IL31RA: variants seen among roughly 807,000 people sequenced by gnomAD.
The protein encoded by IL31RA is interleukin-31 receptor subunit alpha.
Under a neutral mutation model 83.7 loss-of-function variants are expected in IL31RA, and 66 were observed. The ratio of observed to expected loss-of-function variants is 0.79; its 90% CI spans 0.65 to 0.97. IL31RA has a LOEUF of 0.97. Ranked by LOEUF, IL31RA falls within the 50% of genes least tolerant of loss-of-function variation. The probability of loss-of-function intolerance (pLI) is 0.00; values close to 1 mark genes in which losing one functional copy is unlikely to be tolerated. For synonymous variants in IL31RA, 325 were observed against 329.0 expected (o/e 0.99, Z 0.13); for missense variants, 798 against 919.4 (o/e 0.87, Z 1.71).
In IL31RA at chr5:55,919,179, G is replaced by A. The variant is rs1207539363; in HGVS notation, c.*2059G>A. 2.6e-5 allele frequency among the ~76,000 whole-genome samples: 4 copies of A among 152,100 alleles called. No homozygotes were observed. The highest frequency in any genetic ancestry group is 5.9e-5 in the Non-Finnish European group (4 of 68,030). ...TTGGCCCGAGGATGGGGGAGGGCAC[G>A]GGTACCCCCACAGCTGTTCTTTCAA... On this transcript the variant is annotated 3_prime_UTR_variant, in exon 15 of 15. Coordinates refer to ENST00000652347, the MANE Select transcript of IL31RA (RefSeq NM_139017.7).
At chr5:55,867,333 G>GTGTA (rs1554085344) in intron 2 of IL31RA, among the ~76,000 whole-genome samples, 75 of 151,746 alleles carry the variant, frequency 4.9e-4, no homozygotes, top group African/African-American at 1.7e-3. Context: ...GTGTGTGTGT[G>GTGTA]TGTATGTTTA....
intron 6 of IL31RA, among the ~76,000 whole-genome samples, chr5:55,893,526 A>AT (rs1251541810): frequency 2.0e-5 from 3 of 151,594 alleles, no homozygotes; most frequent in African/African-American, 4.9e-5. Context: ...GAAAATTTTA[A>AT]TTTTTTTTTC....
chr5:55,847,775 G>A (rs954926478), upstream of IL31RA, among the ~76,000 whole-genome samples: 2 of 152,026 alleles, frequency 1.3e-5, no homozygotes, highest in Admixed American at 1.3e-4. Flanking sequence ...TCCTTTTTCT[G>A]TTCCAGGATC....
chr5:55,907,222 C>T (rs1326395171), intron 9 of IL31RA, 137 bp from the exon 10 acceptor site: 1 of 663,604 alleles, frequency 1.5e-6, no homozygotes, highest in African/African-American at 1.8e-5. Context: ...TTCAACCTAA[C>T]CTGTTTATTT....
rs1185949609 is a variant in IL31RA, at chr5:55,921,015, A to G, written c.*3895A>G. Among the ~76,000 whole-genome samples the G allele has an allele frequency of 6.6e-6, 1 of 152,190 alleles. No homozygotes were observed. Among genetic ancestry groups the G allele is most frequent in the East Asian group, 1.9e-4 (1 of 5,202 alleles). On this transcript the variant is annotated 3_prime_UTR_variant, in exon 15 of 15. Coordinates refer to ENST00000652347, the MANE Select transcript of IL31RA (RefSeq NM_139017.7). ...GAAATTATCTTATAATGCGCAGAAC[A>G]GCCCTCACAACAAAGAATTATCTGG...
At position 55,903,191 on chromosome 5, in the gene IL31RA, A is replaced by G. The variant is rs1748930500; in HGVS notation, c.1070-2915A>G. Reference sequence around the variant, plus strand: ...CGTGGTCCCAGGCAGGGCATCGGAAAGCCCGGCCACTGTGTCATAAGGCCA... The same window carrying G: ...CGTGGTCCCAGGCAGGGCATCGGAAGGCCCGGCCACTGTGTCATAAGGCCA... On this transcript the variant is annotated intron_variant, in intron 8 of 14. Coordinates refer to ENST00000652347, the MANE Select transcript of IL31RA (RefSeq NM_139017.7). This position sits in a 1 kb window ranked among gnomAD's most constrained non-coding sequence, Gnocchi z 4.7. Among the ~76,000 whole-genome samples, 1 of 152,200 alleles carries G rather than the reference A, an allele frequency of 6.6e-6. No individual in the cohort carries two copies. Among genetic ancestry groups the G allele is most frequent in the Non-Finnish European group, 1.5e-5 (1 of 68,034 alleles).
chr5:55,908,196 G>A (rs1244618617), intron 10 of IL31RA, 69 bp from the exon 11 acceptor site: 3 of 1,607,382 alleles, frequency 1.9e-6, no homozygotes, highest in African/African-American at 1.3e-5. Context: ...ACTGGCCAGG[G>A]CCTTTGTGGG....
chr5:55,895,658 C>T (rs779856675), intron 6 of IL31RA, among the ~76,000 whole-genome samples: 1 of 152,190 alleles, frequency 6.6e-6, no homozygotes, highest in African/African-American at 2.4e-5. Flanking sequence ...TTGGCTTTTA[C>T]GTTACTCTCT....
Position 55,916,723 on chromosome 5 carries a change from A to G in IL31RA, c.1898A>G (p.Asp633Gly), listed in dbSNP as rs755431278. Residue 633 changes from aspartate to glycine, a missense_variant, in exon 15 of 15, where the codon GAC becomes GGC. By Grantham distance (94) the Asp-to-Gly change is moderately conservative. Transcript: ENST00000652347. ...RILKPCSTPS[D>G]KLVIDKLVVN... The stretch of plus-strand genomic sequence containing the variant: ...TTAAAACCATGTTCCACCCCCAGTG[A>G]CAAGTTGGTGATTGACAAGTTGGTG... The G allele has an allele frequency of 6.2e-6, 10 of 1,614,094 alleles. No individual in the cohort carries two copies. The Admixed American group carries it at 1.7e-4, about 27-fold the overall frequency.
At chr5:55,864,172 C>T (rs1049493461) in intron 2 of IL31RA, among the ~76,000 whole-genome samples, 11 of 152,086 alleles carry the variant, frequency 7.2e-5, no homozygotes, top group Non-Finnish European at 1.5e-5. Context: ...CTTTGAAATC[C>T]TCCGGCGAGT....
chr5:55,854,747 G>GAA lies in IL31RA; in HGVS notation c.63+3124_63+3125dup, dbSNP rs11409015. Among the ~76,000 whole-genome samples the GAA allele has an allele frequency of 2.0e-3, 290 of 141,794 alleles. 3 individuals carry two copies. Among genetic ancestry groups the GAA allele is most frequent in the African/African-American group, 5.9e-3 (227 of 38,792 alleles). 93.0% of individuals were successfully genotyped at this position (141,794 alleles called of 152,430 possible). A position where few individuals can be genotyped will look rare whatever the true frequency, so the allele number is the denominator to read the frequency against. ...GTCACAGAGTGAGACCCCGTCTCCAGAAAAAAAAAAAGAAATAAAATATAA... is the reference window on the plus strand; with the variant it reads ...GTCACAGAGTGAGACCCCGTCTCCAGAAAAAAAAAAAAAGAAATAAAATATAA... On this transcript the variant is annotated intron_variant, in intron 1 of 14. Coordinates refer to ENST00000652347, the MANE Select transcript of IL31RA (RefSeq NM_139017.7).
At chr5:55,869,369 C>T (rs745570637) in intron 3 of IL31RA, among the ~76,000 whole-genome samples, 47 of 152,150 alleles carry the variant, frequency 3.1e-4, no homozygotes, top group Non-Finnish European at 5.1e-4. Context: ...TTTTTTACTA[C>T]CTCAAGCATC....
At chr5:55,880,893 G>A (rs955779317) in intron 4 of IL31RA, among the ~76,000 whole-genome samples, 12 of 152,200 alleles carry the variant, frequency 7.9e-5, no homozygotes, top group African/African-American at 2.7e-4. Flanking sequence ...CAGCAAATCC[G>A]TATGGGTCTG....
Position 55,905,722 on chromosome 5 carries a change from C to A in IL31RA, c.1070-384C>A, listed in dbSNP as rs78580856. Among the ~76,000 whole-genome samples, 533 of 152,336 alleles carry A rather than the reference C, an allele frequency of 3.5e-3. 1 individual carries two copies. The highest frequency in any genetic ancestry group is 6.1e-3 in the Non-Finnish European group (418 of 68,032). ...TGATTTTAAGGTCACCATCTCCCAG[C>A]TTCCCAGCCACACAATTCCCCAGAG... On this transcript the variant is annotated intron_variant, in intron 8 of 14. Coordinates refer to ENST00000652347, the MANE Select transcript of IL31RA (RefSeq NM_139017.7).
chr5:55,858,639 A>G (rs79942810), intron 1 of IL31RA, among the ~76,000 whole-genome samples: 8,154 of 151,162 alleles, frequency 0.054, 451 homozygotes, highest in African/African-American at 0.14. Flanking sequence ...TTTTTTTTCT[A>G]TAATGATCTG....
chr5:55,887,366 C>A (rs1747678483), intron 5 of IL31RA, among the ~76,000 whole-genome samples: 1 of 152,310 alleles, frequency 6.6e-6, no homozygotes, highest in African/African-American at 2.4e-5. Flanking sequence ...TCTTTTGTGG[C>A]CCTAGTCTAA....
At chr5:55,867,225 G>GTGTGTGCA (rs1746187617) in intron 2 of IL31RA, among the ~76,000 whole-genome samples, 1 of 121,810 alleles carries the variant, frequency 8.2e-6, no homozygotes. Context: ...GTGTGTTTGT[G>GTGTGTGCA]TGTGTGTTTG....
intron 4 of IL31RA, among the ~76,000 whole-genome samples, chr5:55,877,775 G>A (rs1746949792): frequency 6.6e-6 from 1 of 152,114 alleles, no homozygotes; most frequent in Admixed American, 6.5e-5. Flanking sequence ...TTGTCTTTCT[G>A]GGGTTTGGTT....
Position 55,888,549 on chromosome 5 carries a change from G to A in IL31RA, c.607-1421G>A, listed in dbSNP as rs139283777. On this transcript the variant is annotated intron_variant, in intron 5 of 14. Transcript: ENST00000652347. ...GAATATTATATATTTTTTAAAGCAT[G>A]ACAAGTAAAATAGAGGTTTATTAGA... Among the ~76,000 whole-genome samples, 226 of 152,318 alleles carry A rather than the reference G, an allele frequency of 1.5e-3. 1 individual carries two copies. The highest frequency in any genetic ancestry group is 5.1e-3 in the African/African-American group (212 of 41,566).
Sources: gnomAD v4.1 joint callset for allele counts (sites outside exome capture counted in the v4.1 genomes callset) on GRCh38, gnomAD v4.1.1 for gene constraint, Gnocchi (gnomAD v3.1) non-coding constraint, MANE v1.5 for transcripts, NCBI Gene and HGNC (gene_info 2026-07-23, HGNC 2026-07-21) for gene names.